KNTC1: variants seen among roughly 807,000 people sequenced by gnomAD.
The protein encoded by KNTC1 is kinetochore-associated protein 1.
A neutral mutation model predicts 314.4 loss-of-function variants in KNTC1; 253 were observed. That is an observed-to-expected ratio of 0.80 (90% CI 0.73 to 0.89). The LOEUF (loss-of-function observed/expected upper bound fraction) is 0.89. KNTC1 is among the 40% of genes least tolerant of loss of function. KNTC1 has a pLI of 0.00. For synonymous variants in KNTC1, 901 were observed against 901.4 expected (o/e 1.00, Z 0.01); for missense variants, 2,475 against 2,572.9 (o/e 0.96, Z 0.82).
intron 36 of KNTC1, 35 bp from the exon 37 acceptor site, chr12:122,585,601 T>G: frequency 6.2e-7 from 1 of 1,611,146 alleles, no homozygotes; most frequent in Non-Finnish European, 8.5e-7. Flanking sequence ...TGCAGCGTAC[T>G]GAGTTCTCTC....
At position 122,582,701 on chromosome 12, in the gene KNTC1, A is replaced by G. The variant is rs374726163; in HGVS notation, c.2983-4A>G. 29 of 1,587,308 alleles carry G rather than the reference A, an allele frequency of 1.8e-5. No individual in the cohort carries two copies. Among genetic ancestry groups the G allele is most frequent in the Non-Finnish European group, 2.5e-5 (29 of 1,164,574 alleles). ...GGACTTTGTCTTGCTTACCTTTGCT[A>G]CAGGAGAACTTTGAGGTCTTTCTTT... is the stretch of plus-strand genomic sequence containing the variant. On this transcript the variant is annotated splice_polypyrimidine_tract_variant and splice_region_variant and intron_variant, in intron 33 of 63. Transcript: ENST00000333479.
intron 40 of KNTC1, among the ~76,000 whole-genome samples, chr12:122,589,845 G>A (rs1440367172): frequency 1.4e-5 from 2 of 145,840 alleles, no homozygotes; most frequent in African/African-American, 2.6e-5. Context: ...GTGCAGTGGC[G>A]CGATTTCGGC....
Position 122,612,892 on chromosome 12 carries a change from C to T in KNTC1, c.5623-220C>T, listed in dbSNP as rs572313314. Reference sequence around the variant, plus strand: ...TAACATCTTAGTATCATGAAAACAGCTTTGACCCTTTCCCTCTTGAAGGAG... The same window carrying T: ...TAACATCTTAGTATCATGAAAACAGTTTTGACCCTTTCCCTCTTGAAGGAG... On this transcript the variant is annotated intron_variant, in intron 53 of 63. Transcript: ENST00000333479. 4 of 522,950 alleles carry T rather than the reference C, an allele frequency of 7.6e-6. No individual in the cohort carries two copies. In the Admixed American group the frequency reaches 1.1e-4, roughly 14 times the overall value. The allele number at this position is 522,950 out of a possible 1,614,324, so 32.4% of individuals were successfully genotyped here. A position where few individuals can be genotyped will look rare whatever the true frequency, so the allele number is the denominator to read the frequency against.
intron 44 of KNTC1, among the ~76,000 whole-genome samples, chr12:122,600,573 T>A (rs1386487735): frequency 6.6e-6 from 1 of 152,190 alleles, no homozygotes; most frequent in South Asian, 2.1e-4. Context: ...AATTTTCCCA[T>A]CGTAAATGAA....
At chr12:122,537,949 A>G (rs541759992) in intron 3 of KNTC1, among the ~76,000 whole-genome samples, 1 of 151,296 alleles carries the variant, frequency 6.6e-6, no homozygotes, top group Admixed American at 6.6e-5. Context: ...TCTGGGTAAC[A>G]TGGCAAAACC....
chr12:122,617,321 G>A, intron 57 of KNTC1: 2 of 387,122 alleles, frequency 5.2e-6, no homozygotes, highest in South Asian at 1.9e-5. Flanking sequence ...AGAATATGTG[G>A]TAAAATATAC....
intron 16 of KNTC1, among the ~76,000 whole-genome samples, chr12:122,556,400 C>G (rs1593532049): frequency 1.3e-5 from 2 of 151,958 alleles, no homozygotes; most frequent in Non-Finnish European, 2.9e-5. Flanking sequence ...CTAACTGAAG[C>G]TTTGCAGCCT....
intron 31 of KNTC1, 119 bp downstream of exon 31, chr12:122,577,910 T>C: frequency 4.5e-6 from 4 of 885,970 alleles, no homozygotes; most frequent in Non-Finnish European, 6.2e-6. Context: ...TAGGGTGGCC[T>C]AGTGAAAAAA....
chr12:122,552,490 A>G (rs1963271174), intron 16 of KNTC1, among the ~76,000 whole-genome samples: 2 of 152,078 alleles, frequency 1.3e-5, no homozygotes, highest in South Asian at 4.1e-4. Flanking sequence ...TCAGCTTCCC[A>G]AGTGGCTGGG....
intron 51 of KNTC1, among the ~76,000 whole-genome samples, chr12:122,608,350 G>A (rs1243895395): frequency 6.6e-6 from 1 of 152,068 alleles, no homozygotes; most frequent in Non-Finnish European, 1.5e-5. Context: ...GGCTGATCTC[G>A]AACTCCTGAG....
intron 40 of KNTC1, 61 bp downstream of exon 40, chr12:122,588,877 A>G: frequency 2.0e-6 from 2 of 996,724 alleles, no homozygotes; most frequent in Non-Finnish European, 2.9e-6. Context: ...ACCTCAGTTA[A>G]TTGCATATGA....
At chr12:122,587,095 G>A (rs1223500028) in intron 38 of KNTC1, among the ~76,000 whole-genome samples, 2 of 152,198 alleles carry the variant, frequency 1.3e-5, no homozygotes, top group Non-Finnish European at 2.9e-5. Context: ...GGGATTACAG[G>A]CGTGAGCCAC....
At chr12:122,536,158 C>T (rs1428708768) in intron 3 of KNTC1, among the ~76,000 whole-genome samples, 2 of 151,676 alleles carry the variant, frequency 1.3e-5, no homozygotes, top group African/African-American at 4.8e-5. Flanking sequence ...CTGCCTCGGC[C>T]TCCCAAAGTG....
intron 3 of KNTC1, among the ~76,000 whole-genome samples, chr12:122,535,200 A>G (rs1961689077): frequency 6.6e-6 from 1 of 152,212 alleles, no homozygotes; most frequent in Non-Finnish European, 1.5e-5. Context: ...TCGAGCTACA[A>G]GGCTTCAAGT....
At chr12:122,564,663 A>T (rs1964186710) in intron 20 of KNTC1, among the ~76,000 whole-genome samples, 1 of 151,936 alleles carries the variant, frequency 6.6e-6, no homozygotes, top group South Asian at 2.1e-4. Context: ...TTAGAAATGC[A>T]GTCTCTCTGT....
Position 122,539,394 on chromosome 12 carries a change from C to T in KNTC1, c.367-282C>T, listed in dbSNP as rs142312471. ...GAAGGTGTTACCACAGCTTGGATCC[C>T]GAATTCTTGGCTCTCACATAAATAG... On this transcript the variant is annotated intron_variant, in intron 4 of 63. Transcript: ENST00000333479. Among the ~76,000 whole-genome samples the T allele has an allele frequency of 3.1e-4, 47 of 152,044 alleles. 1 individual carries two copies. The East Asian group carries it at 7.9e-3, about 26-fold the overall frequency.
At chr12:122,612,098 C>T (rs2085355310) in intron 53 of KNTC1, among the ~76,000 whole-genome samples, 1 of 150,514 alleles carries the variant, frequency 6.6e-6, no homozygotes, top group Non-Finnish European at 1.5e-5. Context: ...TGGAGTCTTG[C>T]TCTGTCACCC....
Position 122,604,978 on chromosome 12 carries a change from T to C in KNTC1, c.5277T>C (p.Thr1759=), listed in dbSNP as rs765040435. 7 of 1,612,932 alleles carry C rather than the reference T, an allele frequency of 4.3e-6. No homozygotes were observed. In the South Asian group the frequency reaches 7.7e-5, roughly 18 times the overall value. Residue 1759 remains threonine (T), a synonymous_variant, in exon 50 of 64, where the codon ACT becomes ACC. Coordinates refer to ENST00000333479, the MANE Select transcript of KNTC1 (RefSeq NM_014708.6). Reference sequence around the variant, plus strand: ...TGCTCATAGCCCACAAGCTGAACACTGAGGAATATTTAAGAGTGATCGGAA... The same window carrying C: ...TGCTCATAGCCCACAAGCTGAACACCGAGGAATATTTAAGAGTGATCGGAA... ...EAVLIAHKLN[T]EEYLRVIGKP...
At chr12:122,557,548 A>G in intron 17 of KNTC1, 39 bp downstream of exon 17, 1 of 1,611,744 alleles carries the variant, frequency 6.2e-7, no homozygotes, top group Non-Finnish European at 8.5e-7. Flanking sequence ...ATTTAGATTG[A>G]CGTGTTGATC....
Sources: gnomAD v4.1 joint callset for allele counts (sites outside exome capture counted in the v4.1 genomes callset) on GRCh38, gnomAD v4.1.1 for gene constraint, MANE v1.5 for transcripts, NCBI Gene and HGNC (gene_info 2026-07-23, HGNC 2026-07-21) for gene names.